FBXO30: variants seen among roughly 807,000 people sequenced by gnomAD.
The protein encoded by FBXO30 is F-box protein 30, also known as F-box only protein 30.
A neutral mutation model predicts 58.1 loss-of-function variants in FBXO30; 21 were observed. The ratio of observed to expected loss-of-function variants is 0.36; its 90% CI spans 0.26 to 0.52. The LOEUF (loss-of-function observed/expected upper bound fraction) is 0.52, where lower values mean the gene tolerates loss of function less well. FBXO30 is among the 20% of genes least tolerant of loss of function. The pLI is 0.93. For synonymous variants in FBXO30, 309 were observed against 312.4 expected (o/e 0.99, Z 0.11); for missense variants, 744 against 897.3 (o/e 0.83, Z 2.18).
intron 2 of FBXO30, among the ~76,000 whole-genome samples, chr6:145,804,152 T>C (rs1778090420): frequency 6.6e-6 from 1 of 152,142 alleles, no homozygotes; most frequent in South Asian, 2.1e-4. Context: ...TAGATTATAA[T>C]CTAGTTCTAG....
rs1314841614 is a variant in FBXO30 at position 145,795,547 on chromosome 6, CA to C, written c.*4558del. On this transcript the variant is annotated 3_prime_UTR_variant, in exon 3 of 3. Transcript: ENST00000237281. ...AGACAGATGCTTCCGTCCAGCTTATCAAAAAGATTGAAAATTATTTTTAAAA... is the reference window on the plus strand; with the variant it reads ...AGACAGATGCTTCCGTCCAGCTTATCAAAAGATTGAAAATTATTTTTAAAA... The C allele has an allele frequency of 6.6e-6, 1 of 151,850 alleles. No individual in the cohort carries two copies. The highest frequency in any genetic ancestry group is 1.5e-5 in the Non-Finnish European group (1 of 67,818). The allele number at this position is 151,850 out of a possible 1,614,324, so 9.4% of individuals were successfully genotyped here.
intron 1 of FBXO30, among the ~76,000 whole-genome samples, chr6:145,814,308 G>A (rs959454890): frequency 4.6e-5 from 7 of 152,272 alleles, no homozygotes; most frequent in African/African-American, 1.4e-4. Flanking sequence ...ACGGAGGTCG[G>A]TGCCCTCGAG....
chr6:145,811,342 C>A (rs1394483987), intron 1 of FBXO30, among the ~76,000 whole-genome samples: 2 of 152,082 alleles, frequency 1.3e-5, no homozygotes, highest in East Asian at 3.9e-4. Context: ...CATAAAAAGT[C>A]AATGGTGCTC....
In FBXO30 at chr6:145,805,820, C is replaced by A; in HGVS notation, c.586G>T (p.Ala196Ser). The A allele has an allele frequency of 6.2e-7, 1 of 1,614,066 alleles. No individual in the cohort carries two copies. Among genetic ancestry groups the A allele is most frequent in the Non-Finnish European group, 8.5e-7 (1 of 1,179,984 alleles). ...TVETTRSLAA[A>S]LDILNTATRD... is the part of the protein sequence containing the mutation. ...GTAGCAGTATTCAGGATATCCAAAG[C>A]AGCAGCCAAACTTCTGGTTGTTTCT... Residue 196 changes from alanine (A) to serine (S), a missense_variant, in exon 2 of 3, where the codon GCT becomes TCT. Physicochemically the swap from Ala to Ser is moderately conservative, Grantham distance 99. Transcript: ENST00000237281.
chr6:145,794,876 T>C lies in FBXO30; in HGVS notation c.*5230A>G, dbSNP rs1170801745. The C allele has an allele frequency of 6.6e-6, 1 of 151,752 alleles. No homozygotes were observed. The highest frequency in any genetic ancestry group is 1.5e-5 in the Non-Finnish European group (1 of 67,768). The allele number at this position is 151,752 out of a possible 1,614,324, so 9.4% of individuals were successfully genotyped here. On this transcript the variant is annotated 3_prime_UTR_variant, in exon 3 of 3. Coordinates refer to ENST00000237281, the MANE Select transcript of FBXO30 (RefSeq NM_032145.5). ...ATCTAAAATTACTGACGAAAATGAC[T>C]AAATTCAGGGTCACCTCACCAGAAA...
In FBXO30 at chr6:145,805,270, T is replaced by G; in HGVS notation, c.1136A>C (p.Asp379Ala). 6.2e-7 allele frequency: 1 copy of G among 1,614,044 alleles called. No homozygotes were observed. Among genetic ancestry groups the G allele is most frequent in the Non-Finnish European group, 8.5e-7 (1 of 1,179,960 alleles). The change falls in exon 2 of 3, where the codon GAT becomes GCT. Residue 379 changes from aspartate to alanine, a missense_variant. Physicochemically the swap from Asp to Ala is moderately radical, Grantham distance 126. Around this residue, in one of 3 missense-constraint regions of FBXO30, gnomAD observed 275 missense variants for 262.0 expected, o/e 1.05. Transcript: ENST00000237281. The part of the protein sequence containing the change: ...KVDLGDVKNV[D>A]VLSFSHAPSF... ...AGGAGCATGACTGAAAGATAAGACA[T>G]CCACATTCTTCACGTCCCCTAAGTC...
chr6:145,804,302 T>C lies in FBXO30; in HGVS notation c.2034+70A>G, dbSNP rs1400138565. The C allele has an allele frequency of 2.3e-6, 3 of 1,301,396 alleles. No homozygotes were observed. The African/African-American group carries it at 4.4e-5, about 19-fold the overall frequency. 80.6% of individuals were successfully genotyped at this position (1,301,396 alleles called of 1,614,324 possible). A position where few individuals can be genotyped will look rare whatever the true frequency, so the allele number is the denominator to read the frequency against. On this transcript the variant is annotated intron_variant, in intron 2 of 2. Coordinates refer to ENST00000237281, the MANE Select transcript of FBXO30 (RefSeq NM_032145.5). ...GGTCAATTTCTCAACAAGATATTAA[T>C]TGTATTAATTCAGCAGTATTATTAA...
In FBXO30 at chr6:145,805,599, T is replaced by A; in HGVS notation, c.807A>T (p.Leu269Phe). Residue 269 changes from leucine to phenylalanine, a missense_variant, in exon 2 of 3, where the codon TTA becomes TTT. Coordinates refer to ENST00000237281, the MANE Select transcript of FBXO30 (RefSeq NM_032145.5). Reference protein sequence around the residue: ...AQSEQNGSSDLLCDLNTSSYD... With the variant: ...AQSEQNGSSDFLCDLNTSSYD... ...AAGAACTTGTATTCAAGTCACATAA[T>A]AAATCACTTGAACCATTTTGTTCAG... 6.2e-7 allele frequency: 1 copy of A among 1,613,908 alleles called. No individual in the cohort carries two copies. Among genetic ancestry groups the A allele is most frequent in the South Asian group, 1.1e-5 (1 of 91,020 alleles).
intron 2 of FBXO30, among the ~76,000 whole-genome samples, chr6:145,803,560 A>T (rs1300725952): frequency 6.6e-6 from 1 of 152,150 alleles, no homozygotes; most frequent in Admixed American, 6.6e-5. Context: ...ATAAGTGTTC[A>T]AAAATAAAAA....
rs1404802042 is a variant in FBXO30, at chr6:145,798,206, A to T, written c.*1900T>A. 2.0e-5 allele frequency: 3 copies of T among 152,084 alleles called. No homozygotes were observed. Among genetic ancestry groups the T allele is most frequent in the African/African-American group, 7.2e-5 (3 of 41,442 alleles). The allele number at this position is 152,084 out of a possible 1,614,324, so 9.4% of individuals were successfully genotyped here. ...TTATTGAGCCATGTTAAGGGAAAAC[A>T]TTAATTTTATTAGAACTTGAACAAA... On this transcript the variant is annotated 3_prime_UTR_variant, in exon 3 of 3. Transcript: ENST00000237281.
chr6:145,801,412 T>C (rs1777994095), intron 2 of FBXO30, among the ~76,000 whole-genome samples: 1 of 151,946 alleles, frequency 6.6e-6, no homozygotes, highest in African/African-American at 2.4e-5. Flanking sequence ...TGTGTATGTG[T>C]GCGTGTGTGT....
chr6:145,802,959 GA>G (rs1260720662), intron 2 of FBXO30, among the ~76,000 whole-genome samples: 3 of 152,140 alleles, frequency 2.0e-5, no homozygotes, highest in Non-Finnish European at 4.4e-5. Flanking sequence ...CTCAGACTAA[GA>G]GGGGGAGGAC....
intron 1 of FBXO30, among the ~76,000 whole-genome samples, chr6:145,811,575 T>C (rs541853855): frequency 1.8e-4 from 28 of 152,128 alleles, no homozygotes; most frequent in Admixed American, 3.3e-4. Context: ...GGAAAAATAA[T>C]GAATATAGAA....
At chr6:145,803,104 T>C (rs1236157068) in intron 2 of FBXO30, among the ~76,000 whole-genome samples, 4 of 152,050 alleles carry the variant, frequency 2.6e-5, no homozygotes, top group African/African-American at 9.7e-5. Flanking sequence ...GAGTAATCTA[T>C]ATAAATGATG....
chr6:145,800,870 T>C (rs991624267), intron 2 of FBXO30, among the ~76,000 whole-genome samples: 5 of 152,146 alleles, frequency 3.3e-5, no homozygotes, highest in African/African-American at 1.2e-4. Flanking sequence ...AGTACTTCAA[T>C]TTGTTCAAAA....
Position 145,805,377 on chromosome 6 carries a change from G to T in FBXO30, c.1029C>A (p.Ser343=). The change falls in exon 2 of 3, where the codon TCC becomes TCA. Residue 343 remains serine (S), a synonymous_variant. Transcript: ENST00000237281. Reference sequence around the variant, plus strand: ...GAACTGTGCCATTAGGCAAAGCACTGGATGGTATTATTTCCCTAAGTTGTG... The same window carrying T: ...GAACTGTGCCATTAGGCAAAGCACTTGATGGTATTATTTCCCTAAGTTGTG... ...VAAQLREIIP[S]SALPNGTVQH... is the part of the protein sequence containing the mutation. The T allele has an allele frequency of 6.2e-7, 1 of 1,614,042 alleles. No homozygotes were observed. Among genetic ancestry groups the T allele is most frequent in the Non-Finnish European group, 8.5e-7 (1 of 1,179,972 alleles).
rs889842758 is a variant in FBXO30, at chr6:145,795,320, G to A, written c.*4786C>T. ...TTGACCTGATTAATTGGTCTTAAGAGTTCAACACAAATGCAGTTTTGTTAC... is the reference window on the plus strand; with the variant it reads ...TTGACCTGATTAATTGGTCTTAAGAATTCAACACAAATGCAGTTTTGTTAC... On this transcript the variant is annotated 3_prime_UTR_variant, in exon 3 of 3. Coordinates refer to ENST00000237281, the MANE Select transcript of FBXO30 (RefSeq NM_032145.5). 1.3e-5 allele frequency: 2 copies of A among 151,814 alleles called. No homozygotes were observed. Among genetic ancestry groups the A allele is most frequent in the African/African-American group, 2.4e-5 (1 of 41,410 alleles). 9.4% of individuals were successfully genotyped at this position (151,814 alleles called of 1,614,324 possible).
At position 145,793,912 on chromosome 6, in the gene FBXO30, G is replaced by A. The variant is rs1055565508; in HGVS notation, c.*6194C>T. The stretch of plus-strand genomic sequence containing the variant: ...ACCACGGTTTGGGCATTTCACAAAC[G>A]TTGAGAACACTAGTTTTTGGCTTTG... On this transcript the variant is annotated 3_prime_UTR_variant, in exon 3 of 3. Coordinates refer to ENST00000237281, the MANE Select transcript of FBXO30 (RefSeq NM_032145.5). The A allele has an allele frequency of 1.3e-5, 2 of 152,016 alleles. No homozygotes were observed. Among genetic ancestry groups the A allele is most frequent in the Admixed American group, 6.6e-5 (1 of 15,262 alleles). The allele number at this position is 152,016 out of a possible 1,614,324, so 9.4% of individuals were successfully genotyped here.
rs776458113 is a variant in FBXO30, at chr6:145,800,086, T to C, written c.*20A>G. ...ATTATACTAGGTGCTTGCATATATG[T>C]GCTAGTAATATTACAACTTTTAAAG... is the stretch of plus-strand genomic sequence containing the variant. On this transcript the variant is annotated 3_prime_UTR_variant, in exon 3 of 3. Transcript: ENST00000237281. 6 of 1,578,562 alleles carry C rather than the reference T, an allele frequency of 3.8e-6. No homozygotes were observed. Among genetic ancestry groups the C allele is most frequent in the Non-Finnish European group, 3.5e-6 (4 of 1,148,850 alleles).
Sources: allele counts gnomAD v4.1 joint callset (sites outside exome capture counted in the v4.1 genomes callset), GRCh38; gene constraint gnomAD v4.1.1; regional missense constraint gnomAD v4.1.1; transcripts MANE v1.5; gene names NCBI Gene and HGNC (gene_info 2026-07-23, HGNC 2026-07-21).